ZNF407: variants seen among roughly 807,000 people sequenced by gnomAD.
The protein encoded by ZNF407 is zinc finger protein 407.
In ZNF407, 17 loss-of-function variants were observed where a neutral mutation model predicts 131.2. That is an observed-to-expected ratio of 0.13 (90% CI 0.09 to 0.19). The LOEUF (loss-of-function observed/expected upper bound fraction) is 0.19. ZNF407 is among the 10% of genes least tolerant of loss of function. ZNF407 has a pLI of 1.00. For synonymous variants in ZNF407, 1,156 were observed against 1,062.0 expected (o/e 1.09, Z -1.72); for missense variants, 2,681 against 2,830.6 (o/e 0.95, Z 1.20).
At chr18:75,054,948 C>T (rs1202665974) in intron 8 of ZNF407, among the ~76,000 whole-genome samples, 5 of 152,226 alleles carry the variant, frequency 3.3e-5, no homozygotes. Flanking sequence ...GTCACTAATG[C>T]TCACACACGT....
intron 3 of ZNF407, among the ~76,000 whole-genome samples, chr18:74,686,055 C>A (rs956096098): frequency 1.8e-4 from 28 of 152,202 alleles, no homozygotes; most frequent in Admixed American, 1.8e-3. Context: ...CAATCAAATG[C>A]GTTACATATA....
intron 3 of ZNF407, among the ~76,000 whole-genome samples, chr18:74,762,941 A>G (rs1359656928): frequency 6.6e-6 from 1 of 152,088 alleles, no homozygotes; most frequent in Admixed American, 6.5e-5. Context: ...ATAGCCCTAC[A>G]TTTCTCTTGG....
chr18:74,849,531 G>A (rs1327258574), intron 4 of ZNF407, among the ~76,000 whole-genome samples: 1 of 152,112 alleles, frequency 6.6e-6, no homozygotes, highest in East Asian at 1.9e-4. Flanking sequence ...TCAGGGGTGG[G>A]GGACGGGGAG....
At chr18:74,682,575 GT>G (rs1376980680) in intron 3 of ZNF407, among the ~76,000 whole-genome samples, 1 of 152,168 alleles carries the variant, frequency 6.6e-6, no homozygotes, top group African/African-American at 2.4e-5. Flanking sequence ...GATCAAAGCA[GT>G]TTGTCTTTTT....
intron 8 of ZNF407, among the ~76,000 whole-genome samples, chr18:74,977,719 G>A (rs975384046): frequency 2.0e-5 from 3 of 150,934 alleles, no homozygotes; most frequent in African/African-American, 7.3e-5. Context: ...TCCCCTCTCT[G>A]CGAGATCCCC....
At chr18:74,676,290 C>T (rs1037823818) in intron 3 of ZNF407, among the ~76,000 whole-genome samples, 3 of 152,062 alleles carry the variant, frequency 2.0e-5, no homozygotes, top group African/African-American at 4.8e-5. Flanking sequence ...CAGGGTTTCA[C>T]TGTGTTGCCC....
chr18:74,775,400 A>G (rs372985483), intron 3 of ZNF407, among the ~76,000 whole-genome samples: 1 of 152,232 alleles, frequency 6.6e-6, no homozygotes, highest in Admixed American at 6.5e-5. Flanking sequence ...TACAATGTTT[A>G]TTTAAATTAT....
intron 3 of ZNF407, among the ~76,000 whole-genome samples, chr18:74,751,052 G>A (rs1599122201): frequency 1.3e-5 from 2 of 152,000 alleles, no homozygotes; most frequent in Non-Finnish European, 2.9e-5. Flanking sequence ...TGAGTTTTCT[G>A]AAATTTTTAT....
intron 3 of ZNF407, among the ~76,000 whole-genome samples, chr18:74,656,218 T>TA (rs1568149529): frequency 1.3e-5 from 2 of 152,130 alleles, no homozygotes; most frequent in African/African-American, 2.4e-5. Context: ...TCAAAGGACT[T>TA]ACAATTCAAA....
At chr18:74,866,112 T>C (rs1334680060) in intron 4 of ZNF407, among the ~76,000 whole-genome samples, 2 of 152,224 alleles carry the variant, frequency 1.3e-5, no homozygotes, top group African/African-American at 4.8e-5. Flanking sequence ...TCTTTCAATA[T>C]GTCTGCATGT....
intron 3 of ZNF407, among the ~76,000 whole-genome samples, chr18:74,750,605 C>T (rs898069758): frequency 6.6e-6 from 1 of 152,268 alleles, no homozygotes; most frequent in Non-Finnish European, 1.5e-5. Context: ...TTGGTATTCA[C>T]CCGTTCATCA....
chr18:74,634,131 C>A lies in ZNF407; in HGVS notation c.3112C>A (p.Arg1038=). The A allele has an allele frequency of 6.2e-7, 1 of 1,614,002 alleles. No homozygotes were observed. The highest frequency in any genetic ancestry group is 8.5e-7 in the Non-Finnish European group (1 of 1,179,896). Residue 1038 remains arginine (R), a synonymous_variant, in exon 2 of 9, where the codon CGG becomes AGG. Coordinates refer to ENST00000299687, the MANE Select transcript of ZNF407 (RefSeq NM_017757.3). ...TGCTTCTCTAGAGCTGCATGTAAAA[C>A]GGAAACATACAAAAGAGTTTGAGTT... is the stretch of plus-strand genomic sequence containing the variant. ...SSASLELHVK[R]KHTKEFEFYC...
intron 8 of ZNF407, among the ~76,000 whole-genome samples, chr18:74,954,750 T>C (rs2145283904): frequency 6.6e-6 from 1 of 152,336 alleles, no homozygotes; most frequent in Middle Eastern, 3.4e-3. Flanking sequence ...CCTAAACTAT[T>C]GTCCAATCCA....
Position 74,635,390 on chromosome 18 carries a change from C to T in ZNF407, c.4371C>T (p.Ser1457=). The part of the protein sequence containing the change: ...LLCGKSFYTE[S]NLHQHLASAG... ...GTGGAAAGTCGTTCTATACCGAAAGCAACCTTCACCAGCATCTGGCTAGTG... is the reference window on the plus strand; with the variant it reads ...GTGGAAAGTCGTTCTATACCGAAAGTAACCTTCACCAGCATCTGGCTAGTG... Residue 1457 remains serine, a synonymous_variant, in exon 2 of 9, where the codon AGC becomes AGT. Coordinates refer to ENST00000299687, the MANE Select transcript of ZNF407 (RefSeq NM_017757.3). This position sits in a 1 kb window ranked among gnomAD's most constrained non-coding sequence, Gnocchi z 4.7. 1 of 1,613,958 alleles carries T rather than the reference C, an allele frequency of 6.2e-7. No homozygotes were observed. Among genetic ancestry groups the T allele is most frequent in the South Asian group, 1.1e-5 (1 of 91,062 alleles).
At chr18:74,992,803 T>C (rs1972734249) in intron 8 of ZNF407, among the ~76,000 whole-genome samples, 4 of 152,170 alleles carry the variant, frequency 2.6e-5, no homozygotes, top group Admixed American at 2.6e-4. Flanking sequence ...ACTTCAATTT[T>C]AAGAAGACAA....
intron 8 of ZNF407, among the ~76,000 whole-genome samples, chr18:75,043,505 T>A (rs2122244684): frequency 6.6e-6 from 1 of 152,308 alleles, no homozygotes; most frequent in Admixed American, 6.5e-5. Context: ...TTCACCTGCC[T>A]GCCTCCCTCC....
intron 4 of ZNF407, among the ~76,000 whole-genome samples, chr18:74,795,777 T>G (rs1250526501): frequency 6.6e-6 from 1 of 152,212 alleles, no homozygotes; most frequent in Non-Finnish European, 1.5e-5. Context: ...TGGATTTAAG[T>G]TTCTGTTGTA....
intron 4 of ZNF407, among the ~76,000 whole-genome samples, chr18:74,858,733 A>G (rs72977446): frequency 0.1 from 15,956 of 152,280 alleles, 1,018 homozygotes; most frequent in Middle Eastern, 0.24. Context: ...ATGCTTAAAC[A>G]TATAGCAATA....
intron 3 of ZNF407, among the ~76,000 whole-genome samples, chr18:74,728,010 G>A (rs559010467): frequency 3.3e-5 from 5 of 152,218 alleles, no homozygotes; most frequent in East Asian, 1.9e-4. Flanking sequence ...CTCTCCTACC[G>A]CAGCCTTCCT....
Sources: gnomAD v4.1 joint callset for allele counts (sites outside exome capture counted in the v4.1 genomes callset) on GRCh38, gnomAD v4.1.1 for gene constraint, Gnocchi (gnomAD v3.1) non-coding constraint, MANE v1.5 for transcripts, NCBI Gene and HGNC (gene_info 2026-07-23, HGNC 2026-07-21) for gene names.